ZNF721: variants seen among roughly 807,000 people sequenced by gnomAD.
ZNF721 encodes zinc finger protein 721.
A neutral mutation model predicts 2.4 loss-of-function variants in ZNF721; 2 were observed. That is an observed-to-expected ratio of 0.82 (90% CI 0.34 to 2.58). The LOEUF is 2.58. Ranked by LOEUF, ZNF721 falls within the 30% of genes most tolerant of loss-of-function variation. ZNF721 has a pLI of 0.11. For missense variants in ZNF721, 1,187 were observed against 1,085.5 expected, an observed-to-expected ratio of 1.09 and a Z score of -1.31; for synonymous variants, 398 against 381.8, an observed-to-expected ratio of 1.04 and a Z score of -0.50.
At chr4:450,944 A>G (rs1203935399) in intron 2 of ZNF721, among the ~76,000 whole-genome samples, 1 of 38,398 alleles carries the variant, frequency 2.6e-5, no homozygotes, top group East Asian at 6.0e-4. Flanking sequence ...CTCCAAAAAA[A>G]AAAAAAAAAA....
intron 1 of ZNF721, among the ~76,000 whole-genome samples, chr4:473,273 C>A (rs1553868035): frequency 1.3e-5 from 2 of 152,138 alleles, no homozygotes; most frequent in Non-Finnish European, 2.9e-5. Context: ...TTTATCAAGT[C>A]TCCTGTTAAC....
chr4:484,351 A>G (rs1282587355), intron 1 of ZNF721, among the ~76,000 whole-genome samples: 1 of 152,234 alleles, frequency 6.6e-6, no homozygotes, highest in Non-Finnish European at 1.5e-5. Flanking sequence ...TGTTTGAGCA[A>G]TATGAAATGT....
intron 2 of ZNF721, among the ~76,000 whole-genome samples, chr4:446,517 A>G (rs1484372097): frequency 6.6e-6 from 1 of 151,296 alleles, no homozygotes; most frequent in Non-Finnish European, 1.5e-5. Context: ...AGTAGCTAGA[A>G]CTACAGGTAC....
chr4:468,073 A>G (rs1239629280), intron 2 of ZNF721, among the ~76,000 whole-genome samples: 1 of 152,120 alleles, frequency 6.6e-6, no homozygotes, highest in African/African-American at 2.4e-5. Flanking sequence ...AGGTCAGGAG[A>G]TCGAGACCGC....
chr4:446,950 T>G (rs1322811693), intron 2 of ZNF721, among the ~76,000 whole-genome samples: 2 of 152,158 alleles, frequency 1.3e-5, no homozygotes, highest in Non-Finnish European at 2.9e-5. Flanking sequence ...CCTCCCAAAT[T>G]GCTGGGATTA....
At position 443,576 on chromosome 4, in the gene ZNF721, T is replaced by C; in HGVS notation, c.891A>G (p.Arg297=). Residue 297 remains arginine, a synonymous_variant, in exon 3 of 3, where the codon AGA becomes AGG. Transcript: ENST00000511833. ...NISTTLTKHR[R]IHTGEKPYTC... is the part of the protein sequence containing the mutation. ...TGTAGGGTTTCTCTCCAGTATGAAT[T>C]CTCCTATGTTTAGTAAGGGTTGTGG... is the stretch of plus-strand genomic sequence containing the variant. 6.2e-7 allele frequency: 1 copy of C among 1,614,020 alleles called. No homozygotes were observed. Among genetic ancestry groups the C allele is most frequent in the Non-Finnish European group, 8.5e-7 (1 of 1,179,950 alleles).
At chr4:473,306 C>G (rs1449130076) in intron 1 of ZNF721, among the ~76,000 whole-genome samples, 1 of 152,082 alleles carries the variant, frequency 6.6e-6, no homozygotes, top group Admixed American at 6.6e-5. Flanking sequence ...CCACCTGGAC[C>G]CATTATAGTA....
At chr4:482,057 T>A (rs1715784166) in intron 1 of ZNF721, among the ~76,000 whole-genome samples, 1 of 152,204 alleles carries the variant, frequency 6.6e-6, no homozygotes, top group Non-Finnish European at 1.5e-5. Context: ...AATGACCGAA[T>A]TTTGGGCGAG....
chr4:455,020 C>T (rs980614925), intron 2 of ZNF721, among the ~76,000 whole-genome samples: 4 of 152,310 alleles, frequency 2.6e-5, no homozygotes, highest in Admixed American at 6.5e-5. Flanking sequence ...CATCTGTGCA[C>T]GGATGAATGG....
chr4:441,453 A>C lies in ZNF721; in HGVS notation c.*242T>G. ...AAGTCTTTGCCACATTTTTAATTTT[A>C]ATTTGGCTTCTCATCAATATAATTA... On this transcript the variant is annotated 3_prime_UTR_variant, in exon 3 of 3. Transcript: ENST00000511833. 1 of 363,118 alleles carries C rather than the reference A, an allele frequency of 2.8e-6. No homozygotes were observed. Among genetic ancestry groups the C allele is most frequent in the Non-Finnish European group, 4.9e-6 (1 of 202,956 alleles). The allele number at this position is 363,118 out of a possible 1,614,324, so 22.5% of individuals were successfully genotyped here. A position where few individuals can be genotyped will look rare whatever the true frequency, so the allele number is the denominator to read the frequency against.
intron 2 of ZNF721, among the ~76,000 whole-genome samples, chr4:444,795 C>A (rs782349031): frequency 1.9e-4 from 29 of 152,152 alleles, no homozygotes; most frequent in Non-Finnish European, 3.8e-4. Flanking sequence ...TACTGACACA[C>A]ATATCCTTAT....
At position 441,973 on chromosome 4, in the gene ZNF721, T is replaced by C; in HGVS notation, c.2494A>G (p.Thr832Ala). The C allele has an allele frequency of 6.2e-7, 1 of 1,614,110 alleles. No homozygotes were observed. The highest frequency in any genetic ancestry group is 8.5e-7 in the Non-Finnish European group (1 of 1,179,982). ...TTLTKHRRIH[T>A]GEKPYTCEEC... ...TCACATGTGTAGGGTTTCTCTCCAG[T>C]ATGAATTCTCCTATGTTTAGTAAGG... The change falls in exon 3 of 3, where the codon ACT becomes GCT. Residue 832 changes from threonine (T) to alanine (A), a missense_variant. Physicochemically the swap from Thr to Ala is moderately conservative, Grantham distance 58 (BLOSUM62 0). Coordinates refer to ENST00000511833, the MANE Select transcript of ZNF721 (RefSeq NM_133474.4).
rs368144392 is a variant in ZNF721, at chr4:444,208, C to T, written c.259G>A (p.Val87Ile). ...TTTGCAAATTTACTAAAAACTTTGA[C>T]ACGTGCATTACATTGAAATATTTTG... ...QSKIFQCNAR[V>I]KVFSKFANSN... Residue 87 changes from valine to isoleucine, a missense_variant, in exon 3 of 3, where the codon GTC becomes ATC. Transcript: ENST00000511833. 6.2e-7 allele frequency: 1 copy of T among 1,613,746 alleles called. No individual in the cohort carries two copies. The highest frequency in any genetic ancestry group is 1.1e-5 in the South Asian group (1 of 91,068).
intron 1 of ZNF721, among the ~76,000 whole-genome samples, chr4:477,210 T>C (rs1050952958): frequency 2.0e-5 from 3 of 151,628 alleles, no homozygotes; most frequent in Non-Finnish European, 4.4e-5. Flanking sequence ...ATGGAAAGTA[T>C]CTTTCCCTGA....
chr4:492,764 A>G (rs1466318352), intron 1 of ZNF721, among the ~76,000 whole-genome samples: 1 of 149,476 alleles, frequency 6.7e-6, no homozygotes, highest in African/African-American at 2.5e-5. Flanking sequence ...TTCTCATATA[A>G]AATTATTTTT....
chr4:446,614 C>T (rs531424493), intron 2 of ZNF721, among the ~76,000 whole-genome samples: 1 of 152,164 alleles, frequency 6.6e-6, no homozygotes, highest in South Asian at 2.1e-4. Context: ...CTCCTGACCT[C>T]GTTATCTGCC....
chr4:471,738 A>C (rs1715442382), intron 2 of ZNF721, among the ~76,000 whole-genome samples: 1 of 152,126 alleles, frequency 6.6e-6, no homozygotes, highest in African/African-American at 2.4e-5. Context: ...CTAGGCCTTA[A>C]GTGTTCTTAT....
chr4:455,895 C>A (rs1714830716), intron 2 of ZNF721, among the ~76,000 whole-genome samples: 1 of 152,076 alleles, frequency 6.6e-6, no homozygotes. Context: ...TAAATATTTA[C>A]ATCTACCTAA....
chr4:495,850 C>T (rs1158410521), intron 1 of ZNF721, among the ~76,000 whole-genome samples: 1 of 152,132 alleles, frequency 6.6e-6, no homozygotes, highest in African/African-American at 2.4e-5. Flanking sequence ...GATCTGCCCA[C>T]CTCGGCCTCC....
Sources: allele counts gnomAD v4.1 joint callset (sites outside exome capture counted in the v4.1 genomes callset), GRCh38; gene constraint gnomAD v4.1.1; transcripts MANE v1.5; gene names NCBI Gene and HGNC (gene_info 2026-07-23, HGNC 2026-07-21).